Variants in RAB31 observed in about 807,000 individuals in gnomAD.
The protein encoded by RAB31 is RAB31, member RAS oncogene family.
A neutral mutation model predicts 25.6 loss-of-function variants in RAB31; 21 were observed. The observed-to-expected ratio is 0.82, with a 90% CI of 0.58 to 1.18. The LOEUF is 1.18. Ranked by LOEUF, RAB31 falls within the 50% of genes most tolerant of loss-of-function variation. The pLI, the probability that RAB31 is intolerant of heterozygous loss-of-function variation, is 0.00. For synonymous variants in RAB31, 87 were observed against 84.0 expected (o/e 1.04, Z -0.20); for missense variants, 196 against 250.1 (o/e 0.78, Z 1.46).
intron 6 of RAB31, among the ~76,000 whole-genome samples, chr18:9,846,374 A>G (rs1460804789): frequency 1.3e-5 from 2 of 152,198 alleles, no homozygotes; most frequent in South Asian, 2.1e-4. Context: ...TTTAACCTTC[A>G]TAAGTTCTCT....
intron 1 of RAB31, among the ~76,000 whole-genome samples, chr18:9,768,054 C>T (rs1306788323): frequency 6.6e-6 from 1 of 152,122 alleles, no homozygotes; most frequent in African/African-American, 2.4e-5. Context: ...TGAACTCATC[C>T]TTTTTTATGG....
chr18:9,813,964 G>C (rs2068588059), intron 3 of RAB31, 56 bp from the exon 4 acceptor site: 18 of 1,208,258 alleles, frequency 1.5e-5, no homozygotes, highest in Non-Finnish European at 1.9e-5. Context: ...TGTTTAATTT[G>C]GGATTGAATA....
chr18:9,789,926 GA>G (rs2068451794), intron 2 of RAB31, among the ~76,000 whole-genome samples: 1 of 152,142 alleles, frequency 6.6e-6, no homozygotes, highest in African/African-American at 2.4e-5. Flanking sequence ...TTTTTGTGGG[GA>G]TAGTGTGGGA....
chr18:9,715,526 CTCTTT>C (rs1232642085), intron 1 of RAB31, among the ~76,000 whole-genome samples: 23 of 139,334 alleles, frequency 1.7e-4, no homozygotes, highest in Middle Eastern at 8.2e-3. Context: ...CTCTCTCTCT[CTCTTT>C]TTTTTTTTTT....
chr18:9,734,167 A>T (rs889045717), intron 1 of RAB31, among the ~76,000 whole-genome samples: 2 of 151,870 alleles, frequency 1.3e-5, no homozygotes, highest in Non-Finnish European at 2.9e-5. Context: ...CCTCAGGTAC[A>T]TAAGAGCTAG....
At chr18:9,749,270 A>G (rs564275482) in intron 1 of RAB31, among the ~76,000 whole-genome samples, 4 of 152,326 alleles carry the variant, frequency 2.6e-5, no homozygotes, top group South Asian at 2.1e-4. Flanking sequence ...CTGTGGACAC[A>G]TTGTCGTCAT....
chr18:9,784,255 G>C (rs533117090), intron 2 of RAB31, among the ~76,000 whole-genome samples: 1 of 151,680 alleles, frequency 6.6e-6, no homozygotes, highest in Non-Finnish European at 1.5e-5. Flanking sequence ...GCCAAGGCTG[G>C]TCTTGAACTC....
intron 1 of RAB31, among the ~76,000 whole-genome samples, chr18:9,739,848 A>G (rs1477560700): frequency 6.6e-6 from 1 of 152,250 alleles, no homozygotes; most frequent in African/African-American, 2.4e-5. Context: ...TAGCTGGGTA[A>G]CCAGGGGCCC....
chr18:9,743,755 G>A (rs1465402456), intron 1 of RAB31, among the ~76,000 whole-genome samples: 3 of 152,198 alleles, frequency 2.0e-5, no homozygotes, highest in African/African-American at 4.8e-5. Context: ...ACCATGTTTC[G>A]CCATCTTGCA....
intron 1 of RAB31, among the ~76,000 whole-genome samples, chr18:9,734,283 A>T (rs997788527): frequency 6.6e-6 from 1 of 152,174 alleles, no homozygotes; most frequent in African/African-American, 2.4e-5. Flanking sequence ...TTGAGATGGA[A>T]GCCTGGAGAA....
intron 1 of RAB31, among the ~76,000 whole-genome samples, chr18:9,737,241 G>A (rs1225558171): frequency 6.6e-6 from 1 of 152,088 alleles, no homozygotes; most frequent in African/African-American, 2.4e-5. Flanking sequence ...TGTCAGCATA[G>A]CTGGCGATTC....
chr18:9,741,434 G>A (rs1908532494), intron 1 of RAB31, among the ~76,000 whole-genome samples: 1 of 150,446 alleles, frequency 6.6e-6, no homozygotes, highest in African/African-American at 2.5e-5. Context: ...CTGGATTGTG[G>A]CAAACTTCAG....
chr18:9,773,420 G>A (rs1012411680), intron 1 of RAB31, among the ~76,000 whole-genome samples: 5 of 151,998 alleles, frequency 3.3e-5, no homozygotes, highest in Admixed American at 6.6e-5. Flanking sequence ...ACTTGTTCCC[G>A]TTTTGTGTAT....
At chr18:9,820,992 G>T (rs2068622294) in intron 5 of RAB31, among the ~76,000 whole-genome samples, 1 of 151,850 alleles carries the variant, frequency 6.6e-6, no homozygotes, top group Admixed American at 6.6e-5. Context: ...ATTTATTCGA[G>T]ATCTCTTTAA....
At chr18:9,752,755 A>T (rs1272775461) in intron 1 of RAB31, among the ~76,000 whole-genome samples, 1 of 152,236 alleles carries the variant, frequency 6.6e-6, no homozygotes, top group African/African-American at 2.4e-5. Context: ...GAATACACAC[A>T]TATTCGAGGA....
At chr18:9,716,711 T>C (rs545613518) in intron 1 of RAB31, among the ~76,000 whole-genome samples, 3 of 152,250 alleles carry the variant, frequency 2.0e-5, no homozygotes, top group African/African-American at 7.2e-5. Flanking sequence ...GTCTTTTTTG[T>C]TACCTAACTT....
Position 9,841,492 on chromosome 18 carries a change from T to C in RAB31, c.381-4090T>C, listed in dbSNP as rs1370659515. ...AGGCAGAGCTTGCAGTGAGCCGAGA[T>C]GGCGCCACTGCACTCCAGCCTGGGC... is the stretch of plus-strand genomic sequence containing the variant. On this transcript the variant is annotated intron_variant, in intron 5 of 6. Transcript: ENST00000578921. Among the ~76,000 whole-genome samples, 16 of 137,590 alleles carry C rather than the reference T, an allele frequency of 1.2e-4. No individual in the cohort carries two copies. The Admixed American group carries it at 1.3e-3, about 12-fold the overall frequency. 90.3% of individuals were successfully genotyped at this position (137,590 alleles called of 152,430 possible).
At position 9,860,816 on chromosome 18, in the gene RAB31, T is replaced by A. The variant is rs1189364510; in HGVS notation, c.*1491T>A. Reference sequence around the variant, plus strand: ...GTCAGGAAAGAGGTTGTGAGCTGATTGGATTAAAGACCTGGCACTTCAGTA... The same window carrying A: ...GTCAGGAAAGAGGTTGTGAGCTGATAGGATTAAAGACCTGGCACTTCAGTA... On this transcript the variant is annotated 3_prime_UTR_variant, in exon 7 of 7. Transcript: ENST00000578921. The A allele has an allele frequency of 2.0e-5, 3 of 152,176 alleles. No individual in the cohort carries two copies. The highest frequency in any genetic ancestry group is 7.2e-5 in the African/African-American group (3 of 41,426). The allele number at this position is 152,176 out of a possible 1,614,324, so 9.4% of individuals were successfully genotyped here.
intron 5 of RAB31, among the ~76,000 whole-genome samples, chr18:9,836,037 CT>C (rs2068702622): frequency 6.6e-6 from 1 of 151,924 alleles, no homozygotes; most frequent in South Asian, 2.1e-4. Flanking sequence ...AATGATTTCC[CT>C]TGCTTTTGGC....
Sources: allele counts gnomAD v4.1 joint callset (sites outside exome capture counted in the v4.1 genomes callset), GRCh38; gene constraint gnomAD v4.1.1; transcripts MANE v1.5; gene names NCBI Gene and HGNC (gene_info 2026-07-23, HGNC 2026-07-21).